ACY3: variants seen among roughly 807,000 people sequenced by gnomAD.
ACY3 encodes the protein N-acyl-aromatic-L-amino acid amidohydrolase (carboxylate-forming).
A neutral mutation model predicts 24.6 loss-of-function variants in ACY3; 20 were observed. The observed-to-expected ratio is 0.81, with a 90% confidence interval of 0.57 to 1.18. ACY3 has a LOEUF of 1.18. Among genes scored for constraint, ACY3 ranks in the 50% most tolerant of loss-of-function variants. ACY3 has a pLI of 0.00. For synonymous variants in ACY3, 174 were observed against 188.4 expected, an observed-to-expected ratio of 0.92 and a Z score of 0.62; for missense variants, 423 against 426.8, an observed-to-expected ratio of 0.99 and a Z score of 0.08.
rs1403198735 is a variant in ACY3, at chr11:67,646,998, C to T, written c.46G>A (p.Val16Met). ...TCGTTGCCATGCGTGCCCCCAGTCA[C>T]AGCCACGCGACGCAGGGGCTCCCGG... The part of the protein sequence containing the change: ...VPREPLRRVA[V>M]TGGTHGNEMS... Residue 16 changes from valine (V) to methionine (M), a missense_variant, in exon 3 of 8, where the codon GTG (valine) becomes ATG (methionine). Transcript: ENST00000255082. 2 of 1,559,196 alleles carry T rather than the reference C, an allele frequency of 1.3e-6. No homozygotes were observed. The highest frequency in any genetic ancestry group is 2.7e-5 in the African/African-American group (2 of 73,738).
At chr11:67,644,646 G>T (rs971170697) in intron 7 of ACY3, 114 bp downstream of exon 7, 1 of 979,150 alleles carries the variant, frequency 1.0e-6, no homozygotes, top group African/African-American at 1.6e-5. Context: ...TGGTGAGCTC[G>T]TGGGAGGCTT....
chr11:67,648,388 C>T (rs980677799), intron 1 of ACY3, among the ~76,000 whole-genome samples: 4 of 152,176 alleles, frequency 2.6e-5, no homozygotes, highest in African/African-American at 7.2e-5. Flanking sequence ...CCTCCTGCTG[C>T]CTCTCAAGAG....
intron 1 of ACY3, among the ~76,000 whole-genome samples, chr11:67,648,511 G>A (rs1477170238): frequency 6.6e-6 from 1 of 152,220 alleles, no homozygotes; most frequent in Non-Finnish European, 1.5e-5. Flanking sequence ...GAAGTCACTG[G>A]GGAGTGAGGC....
intron 7 of ACY3, among the ~76,000 whole-genome samples, chr11:67,643,743 T>C (rs1855453283): frequency 6.6e-6 from 1 of 151,342 alleles, no homozygotes; most frequent in Non-Finnish European, 1.5e-5. Flanking sequence ...GCCTGTAATC[T>C]CAGCACTTTG....
chr11:67,649,641 TGTGC>T (rs3029250), intron 1 of ACY3, among the ~76,000 whole-genome samples: 9,564 of 149,650 alleles, frequency 0.064, 1,146 homozygotes, highest in African/African-American at 0.23. Flanking sequence ...AGCATGCGTG[TGTGC>T]GTGCGTGTGT....
rs574543962 is a variant in ACY3, at chr11:67,642,602, G to A, written c.*122C>T. The A allele has an allele frequency of 4.0e-6, 4 of 997,888 alleles. No homozygotes were observed. The East Asian group carries it at 9.6e-5, about 24-fold the overall frequency. The allele number at this position is 997,888 out of a possible 1,614,324, so 61.8% of individuals were successfully genotyped here. ...GAAAGGGAAATTGAGGCCAGGGGTT[G>A]GGGAGGCCTGGCAAGGAACATGGTG... On this transcript the variant is annotated 3_prime_UTR_variant, in exon 8 of 8. Transcript: ENST00000255082.
chr11:67,645,081 C>T lies in ACY3; in HGVS notation c.598G>A (p.Ala200Thr), dbSNP rs112976376. 1.9e-6 allele frequency: 3 copies of T among 1,613,876 alleles called. No individual in the cohort carries two copies. The highest frequency in any genetic ancestry group is 1.7e-5 in the Admixed American group (1 of 60,018). Residue 200 changes from alanine (A) to threonine (T), a missense_variant, in exon 6 of 8, where the codon GCC becomes ACC. By Grantham distance (58) the Ala-to-Thr change is moderately conservative (BLOSUM62 0). Coordinates refer to ENST00000255082, the MANE Select transcript of ACY3 (RefSeq NM_080658.2). ...AGTTCGATGAAGTCCAGAACTGTGG[C>T]CACCAGGGTCCTCATCCTTGAGAAA... ...DIFSRMRTLV[A>T]TVLDFIELFN...
chr11:67,649,256 C>T (rs1855572718), intron 1 of ACY3, among the ~76,000 whole-genome samples: 1 of 152,126 alleles, frequency 6.6e-6, no homozygotes, highest in Admixed American at 6.5e-5. Context: ...CCCCAACCCC[C>T]ACAGAGGCTG....
chr11:67,649,761 G>A (rs1258131637), intron 1 of ACY3, among the ~76,000 whole-genome samples: 2 of 150,556 alleles, frequency 1.3e-5, no homozygotes, highest in African/African-American at 2.5e-5. Flanking sequence ...ATGTGTGACA[G>A]CATGCATGTG....
At chr11:67,643,307 A>G (rs531571422) in intron 7 of ACY3, among the ~76,000 whole-genome samples, 1 of 152,244 alleles carries the variant, frequency 6.6e-6, no homozygotes, top group Non-Finnish European at 1.5e-5. Context: ...TCCTCCTATC[A>G]TTCTGAAGTT....
rs749520979 is a variant in ACY3 at position 67,645,897 on chromosome 11, C to T, written c.237-10G>A. Reference sequence around the variant, plus strand: ...CGGGGTGGGCCTGGAACTGTGGAGACGGGAATGGGGGACACCGATCTTCAC... The same window carrying T: ...CGGGGTGGGCCTGGAACTGTGGAGATGGGAATGGGGGACACCGATCTTCAC... On this transcript the variant is annotated splice_polypyrimidine_tract_variant and intron_variant, in intron 3 of 7. Transcript: ENST00000255082. 8.2e-6 allele frequency: 13 copies of T among 1,581,614 alleles called. No homozygotes were observed. The highest frequency in any genetic ancestry group is 2.3e-5 in the South Asian group (2 of 87,222).
At chr11:67,642,997 G>T (rs1024652910) in intron 7 of ACY3, 58 bp from the exon 8 acceptor site, 2 of 1,524,944 alleles carry the variant, frequency 1.3e-6, no homozygotes, top group East Asian at 4.7e-5. Flanking sequence ...GGCCCCAGAG[G>T]GGGGTGACCC....
In ACY3 at chr11:67,647,036, G is replaced by A. The variant is rs1022776643; in HGVS notation, c.8C>T (p.Ser3Leu). 8 of 1,530,824 alleles carry A rather than the reference G, an allele frequency of 5.2e-6. No homozygotes were observed. The highest frequency in any genetic ancestry group is 2.6e-6 in the Non-Finnish European group (3 of 1,136,440). 94.8% of individuals were successfully genotyped at this position (1,530,824 alleles called of 1,614,324 possible). A position where few individuals can be genotyped will look rare whatever the true frequency, so the allele number is the denominator to read the frequency against. MC[S>L]LPVPREPLRR... ...CAGGGGCTCCCGGGGCACAGGCAGT[G>A]AGCACATGCTGGTGTGGGGTGCAGA... The change falls in exon 3 of 8, where the codon TCA becomes TTA. Residue 3 changes from serine (S) to leucine (L), a missense_variant. Ser to Leu is a moderately radical substitution (Grantham distance 145, BLOSUM62 -2). Transcript: ENST00000255082.
chr11:67,644,644 T>G, intron 7 of ACY3, 116 bp downstream of exon 7: 2 of 953,540 alleles, frequency 2.1e-6, no homozygotes, highest in Non-Finnish European at 3.1e-6. Context: ...GCTGGTGAGC[T>G]CGTGGGAGGC....
chr11:67,649,509 C>T (rs972919060), intron 1 of ACY3, among the ~76,000 whole-genome samples: 5 of 152,056 alleles, frequency 3.3e-5, no homozygotes, highest in African/African-American at 7.3e-5. Flanking sequence ...GAAACAGCAG[C>T]CCCCAGTCCT....
Position 67,646,800 on chromosome 11 carries a change from G to A in ACY3, c.236+8C>T. 1 of 1,611,898 alleles carries A rather than the reference G, an allele frequency of 6.2e-7. No homozygotes were observed. Among genetic ancestry groups the A allele is most frequent in the South Asian group, 1.1e-5 (1 of 90,780 alleles). ...TGCCTGGGCCAACCTGGCGGCAAAA[G>A]CACTCACTTGAGGAAGCTGCTGGTG... is the stretch of plus-strand genomic sequence containing the variant. On this transcript the variant is annotated splice_region_variant and intron_variant, in intron 3 of 7. Coordinates refer to ENST00000255082, the MANE Select transcript of ACY3 (RefSeq NM_080658.2).
intron 7 of ACY3, 23 bp downstream of exon 7, chr11:67,644,737 C>CAG: frequency 6.8e-7 from 1 of 1,473,104 alleles, no homozygotes; most frequent in Non-Finnish European, 9.0e-7. Flanking sequence ...CCCCACCACA[C>CAG]ACACACACAC....
chr11:67,645,890 G>C lies in ACY3; in HGVS notation c.237-3C>G. 6.3e-7 allele frequency: 1 copy of C among 1,587,020 alleles called. No individual in the cohort carries two copies. On this transcript the variant is annotated splice_region_variant and splice_polypyrimidine_tract_variant and intron_variant, in intron 3 of 7. Transcript: ENST00000255082. ...GGTCGTCCGGGGTGGGCCTGGAACT[G>C]TGGAGACGGGAATGGGGGACACCGA... is the stretch of plus-strand genomic sequence containing the variant.
rs928390109 is a variant in ACY3 at position 67,642,622 on chromosome 11, A to T, written c.*102T>A. Reference sequence around the variant, plus strand: ...GGGTTGGGGAGGCCTGGCAAGGAACATGGTGCATGGTAGGTGGCAGAAGGG... The same window carrying T: ...GGGTTGGGGAGGCCTGGCAAGGAACTTGGTGCATGGTAGGTGGCAGAAGGG... On this transcript the variant is annotated 3_prime_UTR_variant, in exon 8 of 8. Transcript: ENST00000255082. The T allele has an allele frequency of 1.4e-5, 17 of 1,252,254 alleles. No homozygotes were observed. The African/African-American group carries it at 2.5e-4, about 19-fold the overall frequency. 77.6% of individuals were successfully genotyped at this position (1,252,254 alleles called of 1,614,324 possible). A position where few individuals can be genotyped will look rare whatever the true frequency, so the allele number is the denominator to read the frequency against.
Sources: gnomAD v4.1 joint callset for allele counts (sites outside exome capture counted in the v4.1 genomes callset) on GRCh38, gnomAD v4.1.1 for gene constraint, MANE v1.5 for transcripts, NCBI Gene and HGNC (gene_info 2026-07-23, HGNC 2026-07-21) for gene names.